Variants in SPAG16 observed in about 807,000 individuals in gnomAD.
The protein encoded by SPAG16 is sperm-associated antigen 16 protein.
In SPAG16, 86 loss-of-function variants were observed where a neutral mutation model predicts 80.4. That is an observed-to-expected ratio of 1.07 (90% CI 0.90 to 1.28). The LOEUF (loss-of-function observed/expected upper bound fraction) is 1.28. Among genes scored for constraint, SPAG16 ranks in the 50% most tolerant of loss-of-function variants. The pLI, the probability that SPAG16 is intolerant of heterozygous loss-of-function variation, is 0.00. For missense variants in SPAG16, 870 were observed against 765.3 expected (o/e 1.14, Z -1.61); for synonymous variants, 294 against 265.9 (o/e 1.11, Z -1.03).
At chr2:214,130,532 G>T (rs1309769931) in intron 14 of SPAG16, among the ~76,000 whole-genome samples, 7 of 152,098 alleles carry the variant, frequency 4.6e-5, no homozygotes, top group Non-Finnish European at 1.0e-4. Context: ...AACACCACTC[G>T]CTCTTCAGAT....
At chr2:214,047,358 G>C (rs533273513) in intron 13 of SPAG16, among the ~76,000 whole-genome samples, 2 of 152,156 alleles carry the variant, frequency 1.3e-5, no homozygotes, top group South Asian at 4.2e-4. Flanking sequence ...TAGACCAATG[G>C]AACAGAATAG....
chr2:213,543,789 T>C (rs1442232113), intron 10 of SPAG16, among the ~76,000 whole-genome samples: 2 of 152,080 alleles, frequency 1.3e-5, no homozygotes, highest in Admixed American at 6.6e-5. Context: ...GCACTTTTAT[T>C]CTACCAGATA....
At chr2:213,825,260 T>C (rs570249537) in intron 10 of SPAG16, among the ~76,000 whole-genome samples, 17 of 152,268 alleles carry the variant, frequency 1.1e-4, no homozygotes, top group African/African-American at 3.8e-4. Flanking sequence ...TCCAGCACTA[T>C]GTTGAATAAC....
At chr2:213,598,300 C>T (rs2060948557) in intron 10 of SPAG16, among the ~76,000 whole-genome samples, 1 of 152,094 alleles carries the variant, frequency 6.6e-6, no homozygotes, top group Non-Finnish European at 1.5e-5. Context: ...TCTCCCTTGG[C>T]CTCTATAGGT....
intron 15 of SPAG16, among the ~76,000 whole-genome samples, chr2:214,340,467 T>C (rs1697595425): frequency 6.6e-6 from 1 of 152,244 alleles, no homozygotes; most frequent in Non-Finnish European, 1.5e-5. Flanking sequence ...CAAGTATATG[T>C]AGAATATTGC....
chr2:214,297,910 A>G, intron 15 of SPAG16, among the ~76,000 whole-genome samples: 1 of 151,118 alleles, frequency 6.6e-6, no homozygotes, highest in East Asian at 1.9e-4. Flanking sequence ...TAGAAATTGC[A>G]TTGATACTGT....
In SPAG16 at chr2:213,571,638, T is replaced by C. The variant is rs1389274763; in HGVS notation, c.1070+81548T>C. ...AGTCTGATGGGCTTCCCTTTGAGGG[T>C]AACCCGACCTTTCTCTCTGGCTGCC... is the stretch of plus-strand genomic sequence containing the variant. On this transcript the variant is annotated intron_variant, in intron 10 of 15. Transcript: ENST00000331683. 8.4e-4 allele frequency among the ~76,000 whole-genome samples: 19 copies of C among 22,704 alleles called. 2 individuals are homozygous for C. The highest frequency in any genetic ancestry group is 4.1e-3 in the African/African-American group (16 of 3,880). The allele number at this position is 22,704 out of a possible 152,430, so 14.9% of individuals were successfully genotyped here.
At chr2:214,113,386 G>A (rs1313023283) in intron 14 of SPAG16, among the ~76,000 whole-genome samples, 1 of 152,176 alleles carries the variant, frequency 6.6e-6, no homozygotes, top group Non-Finnish European at 1.5e-5. Flanking sequence ...GGTTGGGGAA[G>A]TTCTCCTGGA....
chr2:214,203,667 G>A (rs1014184687), intron 15 of SPAG16, among the ~76,000 whole-genome samples: 10 of 152,120 alleles, frequency 6.6e-5, no homozygotes, highest in Admixed American at 5.9e-4. Flanking sequence ...AGAGCCCTGT[G>A]GACACTCGCG....
intron 11 of SPAG16, among the ~76,000 whole-genome samples, chr2:213,920,293 T>C (rs1346986363): frequency 6.6e-6 from 1 of 152,216 alleles, no homozygotes; most frequent in Non-Finnish European, 1.5e-5. Context: ...TTTAAAGTTA[T>C]TGTTGATATG....
Position 213,802,108 on chromosome 2 carries a change from G to T in SPAG16, c.1071-60377G>T, listed in dbSNP as rs571319779. Among the ~76,000 whole-genome samples, 734 of 152,306 alleles carry T rather than the reference G, an allele frequency of 4.8e-3. 5 individuals carry two copies. Among genetic ancestry groups the T allele is most frequent in the South Asian group, 0.01 (50 of 4,828 alleles). ...AATTTATTTTCTGTTACAAGGAAAAGCTTGAGATTATACAGTTGTTTTTAA... is the reference window on the plus strand; with the variant it reads ...AATTTATTTTCTGTTACAAGGAAAATCTTGAGATTATACAGTTGTTTTTAA... On this transcript the variant is annotated intron_variant, in intron 10 of 15. Coordinates refer to ENST00000331683, the MANE Select transcript of SPAG16 (RefSeq NM_024532.5).
At chr2:214,125,838 T>C (rs978741957) in intron 14 of SPAG16, among the ~76,000 whole-genome samples, 21 of 151,530 alleles carry the variant, frequency 1.4e-4, no homozygotes, top group Non-Finnish European at 3.1e-4. Context: ...CCTTCAGGAA[T>C]GAAAACTTAA....
rs543446074 is a variant in SPAG16 at position 213,765,614 on chromosome 2, T to A, written c.1071-96871T>A. ...TGTCACGTGTGTGTGTGTGTGTGTGTTATTTACTTGTTTCTTCTATCTCAA... is the reference window on the plus strand; with the variant it reads ...TGTCACGTGTGTGTGTGTGTGTGTGATATTTACTTGTTTCTTCTATCTCAA... On this transcript the variant is annotated intron_variant, in intron 10 of 15. Coordinates refer to ENST00000331683, the MANE Select transcript of SPAG16 (RefSeq NM_024532.5). 2.0e-5 allele frequency among the ~76,000 whole-genome samples: 3 copies of A among 152,088 alleles called. No homozygotes were observed. In the South Asian group the frequency reaches 6.2e-4, roughly 32 times the overall value.
rs780032147 is a variant in SPAG16 at position 214,131,596 on chromosome 2, C to T, written c.1594-17544C>T. ...GTGAATTGATAGAGAAAGTATGGTA[C>T]ATCCAGACAATGGAATGTTACTCGG... On this transcript the variant is annotated intron_variant, in intron 14 of 15. Transcript: ENST00000331683. Among the ~76,000 whole-genome samples the T allele has an allele frequency of 3.3e-5, 5 of 150,322 alleles. No homozygotes were observed. In the Admixed American group the frequency reaches 3.4e-4, roughly 10 times the overall value.
chr2:214,114,813 C>T (rs1041508331), intron 14 of SPAG16, among the ~76,000 whole-genome samples: 4 of 152,252 alleles, frequency 2.6e-5, no homozygotes, highest in African/African-American at 7.2e-5. Context: ...TGGGCTGCAC[C>T]CACTGTCCAA....
At chr2:214,028,068 T>C (rs2048225391) in intron 13 of SPAG16, among the ~76,000 whole-genome samples, 1 of 151,978 alleles carries the variant, frequency 6.6e-6, no homozygotes, top group African/African-American at 2.4e-5. Context: ...GCAACACACA[T>C]TTTTATGATG....
chr2:214,002,217 A>G (rs573323971), intron 12 of SPAG16, among the ~76,000 whole-genome samples: 5 of 152,304 alleles, frequency 3.3e-5, no homozygotes, highest in South Asian at 2.1e-4. Flanking sequence ...GCCAAACCAT[A>G]TATTTGTGTA....
chr2:214,189,098 G>T (rs898767442), intron 15 of SPAG16, among the ~76,000 whole-genome samples: 2 of 152,098 alleles, frequency 1.3e-5, no homozygotes, highest in Non-Finnish European at 2.9e-5. Flanking sequence ...ATGTTGTATT[G>T]CATAGATTTG....
chr2:213,562,177 A>G (rs1031908811), intron 10 of SPAG16, among the ~76,000 whole-genome samples: 3 of 152,224 alleles, frequency 2.0e-5, no homozygotes, highest in African/African-American at 7.2e-5. Flanking sequence ...TTCAGAATTC[A>G]TAGTTGCTAA....
Sources: gnomAD v4.1 joint callset for allele counts (sites outside exome capture counted in the v4.1 genomes callset) on GRCh38, gnomAD v4.1.1 for gene constraint, MANE v1.5 for transcripts, NCBI Gene and HGNC (gene_info 2026-07-23, HGNC 2026-07-21) for gene names.